ROBO2: variants seen among roughly 807,000 people sequenced by gnomAD.
ROBO2 encodes the protein roundabout homolog 2.
Under a neutral mutation model 160.8 loss-of-function variants are expected in ROBO2, and 53 were observed. The ratio of observed to expected loss-of-function variants is 0.33; its 90% CI spans 0.26 to 0.41. The LOEUF (loss-of-function observed/expected upper bound fraction) is 0.41. Ranked by LOEUF, ROBO2 falls within the 10% of genes least tolerant of loss-of-function variation. ROBO2 has a pLI of 1.00. For synonymous variants in ROBO2, 664 were observed against 611.7 expected, an observed-to-expected ratio of 1.09 and a Z score of -1.26; for missense variants, 1,577 against 1,722.4, an observed-to-expected ratio of 0.92 and a Z score of 1.49.
At chr3:76,064,921 CTTTG>C (rs773175825) in intron 2 of ROBO2, among the ~76,000 whole-genome samples, 1 of 151,670 alleles carries the variant, frequency 6.6e-6, no homozygotes, top group Admixed American at 6.6e-5. Context: ...GATTTTTTTT[CTTTG>C]TTTGTTTGTA....
At position 77,064,818 on chromosome 3, in the gene ROBO2, A is replaced by G. The variant is rs141696319; in HGVS notation, c.61+23972A>G. 7.2e-5 allele frequency among the ~76,000 whole-genome samples: 11 copies of G among 152,314 alleles called. No homozygotes were observed. In the East Asian group the frequency reaches 2.1e-3, roughly 29 times the overall value. ...GATTTTCTTCTGAGGGAAAAGGGAG[A>G]ATGAATTATTTTCTATGACAAGATA... On this transcript the variant is annotated intron_variant, in intron 1 of 25. Transcript: ENST00000461745.
chr3:77,413,255 A>AG (rs1258799339), intron 2 of ROBO2, among the ~76,000 whole-genome samples: 4 of 152,136 alleles, frequency 2.6e-5, no homozygotes, highest in Admixed American at 6.5e-5. Flanking sequence ...AGAAAAAAAA[A>AG]GTATGTAGGA....
intron 2 of ROBO2, among the ~76,000 whole-genome samples, chr3:76,461,784 C>G (rs2078100716): frequency 6.6e-6 from 1 of 152,040 alleles, no homozygotes; most frequent in Non-Finnish European, 1.5e-5. Context: ...TATTGTTGCC[C>G]CAAATCCTAA....
chr3:76,627,653 T>C (rs1479554542), intron 2 of ROBO2, among the ~76,000 whole-genome samples: 1 of 144,632 alleles, frequency 6.9e-6, no homozygotes, highest in Non-Finnish European at 1.5e-5. Context: ...AAGTCTGTTT[T>C]ATTTGATTTT....
chr3:76,234,724 A>G (rs1237094904), intron 2 of ROBO2, among the ~76,000 whole-genome samples: 1 of 152,108 alleles, frequency 6.6e-6, no homozygotes, highest in African/African-American at 2.4e-5. Flanking sequence ...ATTTATGTAT[A>G]TTTGCCTTTA....
At chr3:77,382,247 G>A (rs535412076) in intron 2 of ROBO2, among the ~76,000 whole-genome samples, 12 of 151,712 alleles carry the variant, frequency 7.9e-5, no homozygotes, top group African/African-American at 2.9e-4. Flanking sequence ...ATTATACTTT[G>A]TGTTTAAGAA....
intron 2 of ROBO2, among the ~76,000 whole-genome samples, chr3:76,914,783 A>G (rs992898915): frequency 5.9e-5 from 9 of 152,220 alleles, no homozygotes; most frequent in Non-Finnish European, 1.3e-4. Flanking sequence ...CGATTTGGTT[A>G]TAAAACAAGC....
chr3:75,995,938 C>T (rs1406599092), intron 2 of ROBO2, among the ~76,000 whole-genome samples: 2 of 152,088 alleles, frequency 1.3e-5, no homozygotes, highest in Non-Finnish European at 2.9e-5. Context: ...CCAATTTCTC[C>T]CTTTTGGAAT....
chr3:76,532,281 T>G, intron 2 of ROBO2, among the ~76,000 whole-genome samples: 1 of 152,214 alleles, frequency 6.6e-6, no homozygotes, highest in Admixed American at 6.5e-5. Flanking sequence ...ACTCAAAGCA[T>G]AAAACTCTGA....
At position 77,589,035 on chromosome 3, in the gene ROBO2, T is replaced by C. The variant is rs2094121843; in HGVS notation, c.2683+102T>C. Reference sequence around the variant, plus strand: ...ATAACAAATGAGTGATTTGGGCTTATTTTAGAAACCTGCACTGTAAAATGC... The same window carrying C: ...ATAACAAATGAGTGATTTGGGCTTACTTTAGAAACCTGCACTGTAAAATGC... On this transcript the variant is annotated intron_variant, in intron 17 of 25. Coordinates refer to ENST00000461745, the Ensembl canonical transcript of ROBO2. 1.8e-5 allele frequency: 25 copies of C among 1,371,826 alleles called. No homozygotes were observed. The South Asian group carries it at 2.8e-4, about 16-fold the overall frequency. 85.0% of individuals were successfully genotyped at this position (1,371,826 alleles called of 1,614,324 possible).
At chr3:76,530,782 C>A (rs774216) in intron 2 of ROBO2, among the ~76,000 whole-genome samples, 29,085 of 152,046 alleles carry the variant, frequency 0.19, 3,693 homozygotes, top group African/African-American at 0.34. Context: ...AATACACAGC[C>A]GATACTATTT....
At chr3:77,580,430 G>T (rs756071096) in intron 16 of ROBO2, among the ~76,000 whole-genome samples, 1 of 152,220 alleles carries the variant, frequency 6.6e-6, no homozygotes, top group East Asian at 1.9e-4. Context: ...TAATAAAAAT[G>T]AGATAGTTAC....
intron 2 of ROBO2, among the ~76,000 whole-genome samples, chr3:76,164,866 G>T (rs1360445856): frequency 2.9e-5 from 1 of 34,770 alleles, no homozygotes; most frequent in Non-Finnish European, 8.7e-5. Flanking sequence ...GGCTGGGACT[G>T]CCCCGCAGGA....
chr3:76,819,809 A>C (rs183662339), intron 2 of ROBO2, among the ~76,000 whole-genome samples: 3 of 152,266 alleles, frequency 2.0e-5, no homozygotes, highest in Non-Finnish European at 2.9e-5. Context: ...GAGAGTTTAT[A>C]GCATTCAGAG....
chr3:77,339,810 A>G (rs2066874318), intron 2 of ROBO2, among the ~76,000 whole-genome samples: 1 of 152,064 alleles, frequency 6.6e-6, no homozygotes, highest in South Asian at 2.1e-4. Flanking sequence ...CAGACATTTC[A>G]TAGGATTTTT....
chr3:76,469,955 A>G (rs2107022574), intron 2 of ROBO2, among the ~76,000 whole-genome samples: 1 of 152,328 alleles, frequency 6.6e-6, no homozygotes, highest in Non-Finnish European at 1.5e-5. Flanking sequence ...AGAAAGAAAA[A>G]GGAAGAAGTA....
intron 2 of ROBO2, among the ~76,000 whole-genome samples, chr3:77,240,323 G>C (rs1358519839): frequency 6.6e-6 from 1 of 152,204 alleles, no homozygotes; most frequent in Non-Finnish European, 1.5e-5. Flanking sequence ...TGCAGCTGCT[G>C]GCCCAGGTGC....
chr3:76,745,884 C>T (rs1270326449), intron 2 of ROBO2, among the ~76,000 whole-genome samples: 3 of 148,342 alleles, frequency 2.0e-5, no homozygotes. Context: ...GCACAATGTG[C>T]AGGTTAGTTA....
intron 2 of ROBO2, among the ~76,000 whole-genome samples, chr3:76,058,918 C>T (rs1230731855): frequency 1.1e-4 from 16 of 149,540 alleles, no homozygotes; most frequent in South Asian, 4.2e-4. Context: ...TTTGTCTTTG[C>T]GATAGTTTGC....
Sources: allele counts gnomAD v4.1 joint callset (sites outside exome capture counted in the v4.1 genomes callset), GRCh38; gene constraint gnomAD v4.1.1; transcripts MANE v1.5; gene names NCBI Gene and HGNC (gene_info 2026-07-23, HGNC 2026-07-21).